Variants in BORCS5 observed in about 807,000 individuals in gnomAD.
BORCS5 encodes the protein BLOC-1 related complex subunit 5.
In BORCS5, 17 loss-of-function variants were observed where a neutral mutation model predicts 22.1. The observed-to-expected ratio is 0.77, with a 90% CI of 0.53 to 1.15. The LOEUF (loss-of-function observed/expected upper bound fraction) is 1.15. Among genes scored for constraint, BORCS5 ranks in the 50% most tolerant of loss-of-function variants. The pLI is 0.00. For synonymous variants in BORCS5, 117 were observed against 99.8 expected (o/e 1.17, Z -1.03); for missense variants, 247 against 253.2 (o/e 0.98, Z 0.17).
intron 2 of BORCS5, among the ~76,000 whole-genome samples, chr12:12,366,320 C>A (rs1394383708): frequency 6.6e-6 from 1 of 152,210 alleles, no homozygotes; most frequent in African/African-American, 2.4e-5. Context: ...TCTGCAGAGG[C>A]AGTGGCTGGG....
At chr12:12,423,225 A>G (rs1942186599) in intron 2 of BORCS5, among the ~76,000 whole-genome samples, 1 of 152,024 alleles carries the variant, frequency 6.6e-6, no homozygotes, top group South Asian at 2.1e-4. Context: ...GATGGTCTCA[A>G]TCTCCTGACC....
At chr12:12,428,136 T>C (rs992819182) in intron 2 of BORCS5, among the ~76,000 whole-genome samples, 1 of 152,262 alleles carries the variant, frequency 6.6e-6, no homozygotes, top group Non-Finnish European at 1.5e-5. Flanking sequence ...TACTGATTTC[T>C]AGTCCTAGAA....
intron 2 of BORCS5, among the ~76,000 whole-genome samples, chr12:12,374,417 G>A (rs1422642778): frequency 1.3e-5 from 2 of 151,664 alleles, no homozygotes; most frequent in Non-Finnish European, 2.9e-5. Context: ...AGGATTACTT[G>A]AGCCCAGAAG....
Position 12,381,072 on chromosome 12 carries a change from C to T in BORCS5, c.202+19723C>T, listed in dbSNP as rs111530309. On this transcript the variant is annotated intron_variant, in intron 2 of 3. Coordinates refer to ENST00000314565, the MANE Select transcript of BORCS5 (RefSeq NM_058169.6). ...TGTCGCCCAGGCTGGAGTGCACTGGCGCGATCTCAGCTCACTGCAAACTCC... is the reference window on the plus strand; with the variant it reads ...TGTCGCCCAGGCTGGAGTGCACTGGTGCGATCTCAGCTCACTGCAAACTCC... Among the ~76,000 whole-genome samples the T allele has an allele frequency of 9.1e-3, 1,304 of 143,424 alleles. 44 individuals are homozygous for T. Among genetic ancestry groups the T allele is most frequent in the African/African-American group, 0.033 (1,245 of 37,482 alleles). 94.1% of individuals were successfully genotyped at this position (143,424 alleles called of 152,430 possible).
At chr12:12,427,282 G>A (rs943472814) in intron 2 of BORCS5, among the ~76,000 whole-genome samples, 4 of 139,982 alleles carry the variant, frequency 2.9e-5, no homozygotes, top group Admixed American at 7.8e-5. Context: ...CCAGGTTCAC[G>A]CCTTTCTTCT....
At chr12:12,410,641 A>T (rs936169673) in intron 2 of BORCS5, among the ~76,000 whole-genome samples, 4 of 152,210 alleles carry the variant, frequency 2.6e-5, no homozygotes, top group Non-Finnish European at 4.4e-5. Flanking sequence ...CTTGTAGTAT[A>T]GTTTGAAGTC....
chr12:12,420,727 A>G (rs1012309719), intron 2 of BORCS5, among the ~76,000 whole-genome samples: 1 of 151,876 alleles, frequency 6.6e-6, no homozygotes, highest in Non-Finnish European at 1.5e-5. Flanking sequence ...TCGTTATTTC[A>G]TCGAGCAGTG....
At chr12:12,436,822 T>C (rs1309002305) in intron 3 of BORCS5, among the ~76,000 whole-genome samples, 3 of 152,254 alleles carry the variant, frequency 2.0e-5, no homozygotes, top group African/African-American at 7.2e-5. Flanking sequence ...GTTGCATGCA[T>C]ATACTCTTCT....
rs1251386591 is a variant in BORCS5 at position 12,467,999 on chromosome 12, A to G, written c.*2223A>G. ...ACCAGCTTCTTGGTCTGCAGCCACAAGGATGAAGGTTTGGGGATGAGAGAC... is the reference window on the plus strand; with the variant it reads ...ACCAGCTTCTTGGTCTGCAGCCACAGGGATGAAGGTTTGGGGATGAGAGAC... On this transcript the variant is annotated 3_prime_UTR_variant, in exon 4 of 4. Transcript: ENST00000314565. 1.3e-5 allele frequency: 2 copies of G among 152,204 alleles called. No individual in the cohort carries two copies. Among genetic ancestry groups the G allele is most frequent in the Admixed American group, 6.5e-5 (1 of 15,280 alleles). The allele number at this position is 152,204 out of a possible 1,614,324, so 9.4% of individuals were successfully genotyped here. A position where few individuals can be genotyped will look rare whatever the true frequency, so the allele number is the denominator to read the frequency against.
At chr12:12,398,788 C>G (rs1941406704) in intron 2 of BORCS5, among the ~76,000 whole-genome samples, 3 of 152,186 alleles carry the variant, frequency 2.0e-5, no homozygotes, top group Admixed American at 1.3e-4. Context: ...TCAGGCAGCC[C>G]AATCGATAGC....
At chr12:12,367,781 A>AT (rs1246052165) in intron 2 of BORCS5, among the ~76,000 whole-genome samples, 1 of 152,186 alleles carries the variant, frequency 6.6e-6, no homozygotes, top group Non-Finnish European at 1.5e-5. Flanking sequence ...CAGATGAGGT[A>AT]TTCATGCCTT....
chr12:12,442,553 C>T (rs552035542), intron 3 of BORCS5, among the ~76,000 whole-genome samples: 1 of 152,110 alleles, frequency 6.6e-6, no homozygotes, highest in Non-Finnish European at 1.5e-5. Flanking sequence ...ACTTGCAATC[C>T]TTGGAAAGCC....
rs557752820 is a variant in BORCS5, at chr12:12,370,148, A to G, written c.202+8799A>G. ...CACACACACACACGTTTTTGTTTTAATAATATATTTTTTGAAGTGATTAAG... is the reference window on the plus strand; with the variant it reads ...CACACACACACACGTTTTTGTTTTAGTAATATATTTTTTGAAGTGATTAAG... On this transcript the variant is annotated intron_variant, in intron 2 of 3. Transcript: ENST00000314565. 1.3e-4 allele frequency among the ~76,000 whole-genome samples: 19 copies of G among 149,834 alleles called. 1 individual carries two copies. In the South Asian group the frequency reaches 2.9e-3, roughly 23 times the overall value.
rs754257731 is a variant in BORCS5 at position 12,357,451 on chromosome 12, C to T, written c.-1C>T. The T allele has an allele frequency of 3.1e-6, 5 of 1,609,318 alleles. No homozygotes were observed. The East Asian group carries it at 8.9e-5, about 29-fold the overall frequency. ...CTTCTGCTGCCACCGCTGTCGGCACCATGGGCAGTGAGCAGAGCTCCGAGG... is the reference window on the plus strand; with the variant it reads ...CTTCTGCTGCCACCGCTGTCGGCACTATGGGCAGTGAGCAGAGCTCCGAGG... On this transcript the variant is annotated 5_prime_UTR_variant, in exon 1 of 4. Coordinates refer to ENST00000314565, the MANE Select transcript of BORCS5 (RefSeq NM_058169.6).
chr12:12,414,234 G>T (rs1213039089), intron 2 of BORCS5, among the ~76,000 whole-genome samples: 3 of 75,850 alleles, frequency 4.0e-5, no homozygotes, highest in Non-Finnish European at 5.6e-5. Context: ...CCTCCCGGAC[G>T]GGGCGGCTGG....
At chr12:12,360,567 ATT>A (rs35965943) in intron 1 of BORCS5, among the ~76,000 whole-genome samples, 1,355 of 89,212 alleles carry the variant, frequency 0.015, 14 homozygotes, top group African/African-American at 0.05. Flanking sequence ...ATTAAAAGAA[ATT>A]TTTTTTTTTT....
intron 2 of BORCS5, among the ~76,000 whole-genome samples, chr12:12,410,623 A>G (rs1941708452): frequency 6.6e-6 from 1 of 152,176 alleles, no homozygotes; most frequent in Non-Finnish European, 1.5e-5. Flanking sequence ...TGTTTTGGTT[A>G]CTGTAGCCTT....
At chr12:12,371,975 T>G (rs962374086) in intron 2 of BORCS5, among the ~76,000 whole-genome samples, 1 of 152,218 alleles carries the variant, frequency 6.6e-6, no homozygotes, top group Non-Finnish European at 1.5e-5. Flanking sequence ...TAAATGTCTT[T>G]GATCTCTCTG....
chr12:12,423,763 A>C (rs1239954535), intron 2 of BORCS5, among the ~76,000 whole-genome samples: 2 of 152,130 alleles, frequency 1.3e-5, no homozygotes, highest in African/African-American at 4.8e-5. Flanking sequence ...ATCTCAGCTC[A>C]CTGCAACCTC....
Sources: allele counts gnomAD v4.1 joint callset (sites outside exome capture counted in the v4.1 genomes callset), GRCh38; gene constraint gnomAD v4.1.1; transcripts MANE v1.5; gene names NCBI Gene and HGNC (gene_info 2026-07-23, HGNC 2026-07-21).